CFI: variants seen among roughly 807,000 people sequenced by gnomAD.
CFI encodes C3B/C4B inactivator.
A neutral mutation model predicts 78.8 loss-of-function variants in CFI; 66 were observed. That is an observed-to-expected ratio of 0.84 (90% CI 0.69 to 1.03). The LOEUF is 1.03. Ranked by LOEUF, CFI falls within the 50% of genes least tolerant of loss-of-function variation. The pLI is 0.00. For synonymous variants in CFI, 250 were observed against 232.6 expected (o/e 1.07, Z -0.68); for missense variants, 706 against 704.5 (o/e 1.00, Z -0.02).
chr4:109,772,116 G>C (rs1728684089), intron 1 of CFI, among the ~76,000 whole-genome samples: 4 of 152,248 alleles, frequency 2.6e-5, no homozygotes, highest in Admixed American at 2.6e-4. Flanking sequence ...CACAGTGGCT[G>C]TTAACAAGGG....
At chr4:109,737,550 C>T (rs1723439106), downstream of CFI, among the ~76,000 whole-genome samples, 1 of 152,174 alleles carries the variant, frequency 6.6e-6, no homozygotes. Context: ...AAGACGATGG[C>T]AGAGCTCCAC....
chr4:109,739,426 T>G (rs967504881), downstream of CFI, among the ~76,000 whole-genome samples: 1 of 151,986 alleles, frequency 6.6e-6, no homozygotes, highest in African/African-American at 2.4e-5. Context: ...TGAGAAGAGG[T>G]AGACAACCCA....
At chr4:109,752,365 C>T (rs1348602168) in intron 8 of CFI, 103 bp downstream of exon 8, 21 of 1,018,566 alleles carry the variant, frequency 2.1e-5, no homozygotes, top group Non-Finnish European at 3.0e-5. Flanking sequence ...TAAATTGATA[C>T]CAAAACTACT....
intron 1 of CFI, among the ~76,000 whole-genome samples, chr4:109,775,741 C>T (rs1729147348): frequency 6.6e-6 from 1 of 152,198 alleles, no homozygotes; most frequent in Admixed American, 6.5e-5. Context: ...TGGGAGACAC[C>T]TCCCAGTAGG....
At chr4:109,735,327 T>C in the CFI span, among the ~76,000 whole-genome samples, 4 of 152,192 alleles carry the variant, frequency 2.6e-5, no homozygotes, top group South Asian at 8.3e-4. Context: ...AGATCTCTTC[T>C]AGAAACACCA....
intron 4 of CFI, 74 bp downstream of exon 4, chr4:109,761,443 T>C: frequency 7.1e-7 from 1 of 1,413,476 alleles, no homozygotes; most frequent in Admixed American, 1.7e-5. Context: ...CATCAATCAT[T>C]TGTTTACTAT....
At chr4:109,774,050 T>C (rs1464211370) in intron 1 of CFI, among the ~76,000 whole-genome samples, 4 of 152,362 alleles carry the variant, frequency 2.6e-5, no homozygotes, top group South Asian at 4.1e-4. Flanking sequence ...TTGATTTATA[T>C]GTTTTATTTA....
At chr4:109,790,665 C>T (rs1404908608) in intron 1 of CFI, among the ~76,000 whole-genome samples, 2 of 152,118 alleles carry the variant, frequency 1.3e-5, no homozygotes, top group Non-Finnish European at 2.9e-5. Context: ...AATTTAGCTT[C>T]CACTTATAAA....
In CFI at chr4:109,771,876, G is replaced by A. The variant is rs1736679266; in HGVS notation, c.58-5052C>T. On this transcript the variant is annotated intron_variant, in intron 1 of 12. Transcript: ENST00000394634. ...GATTTCATCATGGTTATAGGCTAAG[G>A]GGAGGAATTTAACAAAACAGGAGAG... is the stretch of plus-strand genomic sequence containing the variant. 2.6e-5 allele frequency among the ~76,000 whole-genome samples: 4 copies of A among 152,052 alleles called. 1 individual carries two copies. The South Asian group carries it at 8.3e-4, about 31-fold the overall frequency.
intron 3 of CFI, among the ~76,000 whole-genome samples, chr4:109,763,671 C>T (rs1008459697): frequency 4.6e-5 from 7 of 151,858 alleles, no homozygotes; most frequent in Admixed American, 1.3e-4. Context: ...GCAGCTAATT[C>T]TATTAATAAT....
In CFI at chr4:109,763,631, A is replaced by G. The variant is rs115192823; in HGVS notation, c.482+906T>C. On this transcript the variant is annotated intron_variant, in intron 3 of 12. Coordinates refer to ENST00000394634, the MANE Select transcript of CFI (RefSeq NM_000204.5). The stretch of plus-strand genomic sequence containing the variant: ...AATCTAAAGATATAGGAAGACTGAA[A>G]GTAAAGAAATAGAGAAAGATCTAAA... Among the ~76,000 whole-genome samples, 812 of 152,216 alleles carry G rather than the reference A, an allele frequency of 5.3e-3. 7 individuals are homozygous for G. The highest frequency in any genetic ancestry group is 0.019 in the African/African-American group (778 of 41,570).
At chr4:109,743,984 CA>C (rs879647278) in intron 11 of CFI, among the ~76,000 whole-genome samples, 181 of 142,686 alleles carry the variant, frequency 1.3e-3, no homozygotes, top group African/African-American at 3.7e-3. Context: ...GACCCTGTCT[CA>C]AAAAAAAAAA....
intron 12 of CFI, 165 bp downstream of exon 12, chr4:109,742,326 C>A (rs550554928): frequency 8.8e-5 from 57 of 645,280 alleles, no homozygotes; most frequent in African/African-American, 8.2e-4. Context: ...GAGGAAGAAA[C>A]CTGAGCTACA....
chr4:109,759,252 C>T (rs1196766626), intron 6 of CFI, among the ~76,000 whole-genome samples: 5 of 41,648 alleles, frequency 1.2e-4, no homozygotes, highest in African/African-American at 1.8e-4. Flanking sequence ...CTCAGTTTCT[C>T]TAAAAAAAAA....
chr4:109,782,650 C>T (rs973248884), intron 1 of CFI, among the ~76,000 whole-genome samples: 10 of 151,950 alleles, frequency 6.6e-5, no homozygotes, highest in African/African-American at 2.4e-4. Flanking sequence ...ATACCACCAT[C>T]ACTTTTCACA....
chr4:109,744,742 C>A (rs1188126182), intron 11 of CFI, among the ~76,000 whole-genome samples: 2 of 152,132 alleles, frequency 1.3e-5, no homozygotes, highest in African/African-American at 2.4e-5. Flanking sequence ...ATAAATAAAT[C>A]TTCCTAATTG....
At chr4:109,792,411 A>G in intron 1 of CFI, among the ~76,000 whole-genome samples, 1 of 152,140 alleles carries the variant, frequency 6.6e-6, no homozygotes, top group Non-Finnish European at 1.5e-5. Context: ...CCCTGTCTCT[A>G]CTAAAAATAC....
intron 1 of CFI, among the ~76,000 whole-genome samples, chr4:109,770,991 ATTT>A (rs749062923): frequency 2.6e-5 from 4 of 152,152 alleles, no homozygotes; most frequent in Non-Finnish European, 5.9e-5. Context: ...AACAGCAAAG[ATTT>A]GAAAGTGCTT....
Position 109,769,584 on chromosome 4 carries a change from G to A in CFI, c.58-2760C>T, listed in dbSNP as rs539035653. ...GTTAGAGCCAACTCTCTCATGCGGGGTACTATGAGGTTCTCTAGAGATTGC... is the reference window on the plus strand; with the variant it reads ...GTTAGAGCCAACTCTCTCATGCGGGATACTATGAGGTTCTCTAGAGATTGC... On this transcript the variant is annotated intron_variant, in intron 1 of 12. Transcript: ENST00000394634. 5.3e-5 allele frequency among the ~76,000 whole-genome samples: 8 copies of A among 152,224 alleles called. No homozygotes were observed. The South Asian group carries it at 1.5e-3, about 28-fold the overall frequency.
Sources: gnomAD v4.1 joint callset for allele counts (sites outside exome capture counted in the v4.1 genomes callset) on GRCh38, gnomAD v4.1.1 for gene constraint, MANE v1.5 for transcripts, NCBI Gene and HGNC (gene_info 2026-07-23, HGNC 2026-07-21) for gene names.